The following TAFA2 variants were observed in gnomAD, a reference collection of about 807,000 sequenced individuals.
TAFA2 encodes the protein TAFA chemokine like family member 2.
Under a neutral mutation model 18.8 loss-of-function variants are expected in TAFA2, and 7 were observed. That is an observed-to-expected ratio of 0.37 (90% confidence interval 0.21 to 0.70). TAFA2 has a LOEUF of 0.70. TAFA2 is among the 30% of genes least tolerant of loss of function. TAFA2 has a pLI of 0.53. For synonymous variants in TAFA2, 60 were observed against 54.2 expected, an observed-to-expected ratio of 1.11 and a Z score of -0.47; for missense variants, 122 against 158.1, an observed-to-expected ratio of 0.77 and a Z score of 1.23.
At chr12:61,820,603 A>G (rs1872282110) in intron 2 of TAFA2, among the ~76,000 whole-genome samples, 1 of 152,042 alleles carries the variant, frequency 6.6e-6, no homozygotes, top group South Asian at 2.1e-4. Flanking sequence ...ATAAAAAAAG[A>G]TAATTCGATC....
intron 1 of TAFA2, among the ~76,000 whole-genome samples, chr12:61,957,733 G>A (rs1180766705): frequency 6.6e-6 from 1 of 152,096 alleles, no homozygotes; most frequent in Non-Finnish European, 1.5e-5. Context: ...CTCCTCTGCA[G>A]GTGAGTGCAG....
chr12:61,854,507 C>A (rs1044926667), intron 2 of TAFA2, among the ~76,000 whole-genome samples: 4 of 151,700 alleles, frequency 2.6e-5, no homozygotes, highest in African/African-American at 9.7e-5. Flanking sequence ...ATGCACAGCT[C>A]AGCAGTTCAT....
intron 1 of TAFA2, among the ~76,000 whole-genome samples, chr12:61,956,805 G>C (rs1878712044): frequency 6.6e-6 from 1 of 152,082 alleles, no homozygotes; most frequent in South Asian, 2.1e-4. Context: ...CATGAGATCT[G>C]CTCTTTCTTC....
chr12:61,802,550 A>C (rs2120976601), intron 2 of TAFA2, among the ~76,000 whole-genome samples: 1 of 152,126 alleles, frequency 6.6e-6, no homozygotes, highest in South Asian at 2.1e-4. Context: ...GGGAGCAAAA[A>C]GTGTTGAGGG....
chr12:62,009,320 C>T (rs980891), intron 1 of TAFA2, among the ~76,000 whole-genome samples: 27,801 of 152,056 alleles, frequency 0.18, 3,102 homozygotes, highest in Admixed American at 0.24. Context: ...CCAGTAACAG[C>T]AGAGAAAGCT....
At chr12:62,123,259 G>A (rs1233075842) in intron 1 of TAFA2, among the ~76,000 whole-genome samples, 1 of 152,136 alleles carries the variant, frequency 6.6e-6, no homozygotes, top group Non-Finnish European at 1.5e-5. Context: ...CAATAAGTCT[G>A]TTTGGATAGT....
chr12:61,922,518 C>T (rs1382917370), intron 1 of TAFA2, among the ~76,000 whole-genome samples: 1 of 152,170 alleles, frequency 6.6e-6, no homozygotes, highest in Non-Finnish European at 1.5e-5. Context: ...CCTCCCCTAG[C>T]CAAGGGAAAC....
intron 1 of TAFA2, among the ~76,000 whole-genome samples, chr12:61,913,227 T>C (rs988124052): frequency 6.6e-6 from 1 of 151,998 alleles, no homozygotes; most frequent in Non-Finnish European, 1.5e-5. Flanking sequence ...GAAAAAAGAA[T>C]ACAGAGGGAA....
intron 4 of TAFA2, among the ~76,000 whole-genome samples, chr12:61,748,085 C>T (rs530562675): frequency 1.0e-3 from 151 of 149,310 alleles, no homozygotes; most frequent in African/African-American, 3.6e-3. Flanking sequence ...GGTTGCAACA[C>T]ATAAACAGGT....
At chr12:61,899,291 G>T (rs1398544453) in intron 1 of TAFA2, among the ~76,000 whole-genome samples, 3 of 152,066 alleles carry the variant, frequency 2.0e-5, no homozygotes, top group African/African-American at 7.2e-5. Context: ...ACATTTTCAA[G>T]TATCTTTATA....
intron 1 of TAFA2, among the ~76,000 whole-genome samples, chr12:62,133,631 T>C (rs2136897734): frequency 6.6e-6 from 1 of 152,168 alleles, no homozygotes; most frequent in East Asian, 1.9e-4. Flanking sequence ...ATGAAAGTTC[T>C]CTTATCTTCC....
At chr12:62,100,285 C>T (rs752835990) in intron 1 of TAFA2, among the ~76,000 whole-genome samples, 1 of 152,062 alleles carries the variant, frequency 6.6e-6, no homozygotes, top group South Asian at 2.1e-4. Context: ...CTGAAAAAGT[C>T]AATTCCATGT....
intron 1 of TAFA2, among the ~76,000 whole-genome samples, chr12:61,888,840 T>C (rs1263694385): frequency 1.3e-5 from 2 of 152,248 alleles, no homozygotes; most frequent in African/African-American, 4.8e-5. Flanking sequence ...ACCTGAGTTC[T>C]GCTCTAGTAT....
chr12:62,004,175 A>G (rs1307603110), intron 1 of TAFA2, among the ~76,000 whole-genome samples: 1 of 152,168 alleles, frequency 6.6e-6, no homozygotes, highest in Non-Finnish European at 1.5e-5. Context: ...AAATACCAAC[A>G]CTTAAGAGCA....
chr12:61,752,785 TAGCC>T (rs1400469532), intron 4 of TAFA2, among the ~76,000 whole-genome samples: 2 of 152,048 alleles, frequency 1.3e-5, no homozygotes, highest in African/African-American at 4.8e-5. Flanking sequence ...TATTGTAAAT[TAGCC>T]AGTCTCTACT....
chr12:61,850,693 G>C (rs1873605332), intron 2 of TAFA2, among the ~76,000 whole-genome samples: 1 of 151,720 alleles, frequency 6.6e-6, no homozygotes, highest in Admixed American at 6.6e-5. Context: ...GAATCATCTA[G>C]TATAAACAAA....
intron 1 of TAFA2, among the ~76,000 whole-genome samples, chr12:62,074,776 A>G (rs1008940813): frequency 6.7e-6 from 1 of 148,490 alleles, no homozygotes; most frequent in Non-Finnish European, 1.5e-5. Flanking sequence ...ATCTCGGGAC[A>G]CTGCAACTTC....
intron 1 of TAFA2, among the ~76,000 whole-genome samples, chr12:61,927,082 A>G (rs1397827388): frequency 2.0e-5 from 3 of 151,214 alleles, no homozygotes; most frequent in Non-Finnish European, 3.0e-5. Context: ...AAAAAAAAAA[A>G]AAAAAAAAAA....
intron 1 of TAFA2, among the ~76,000 whole-genome samples, chr12:61,947,124 G>T (rs1341957578): frequency 1.5e-5 from 2 of 133,512 alleles, no homozygotes; most frequent in African/African-American, 5.9e-5. Context: ...ATACTATGCA[G>T]CCATAAAAAA....
Sources: gnomAD v4.1 joint callset for allele counts (sites outside exome capture counted in the v4.1 genomes callset) on GRCh38, gnomAD v4.1.1 for gene constraint, MANE v1.5 for transcripts, NCBI Gene and HGNC (gene_info 2026-07-23, HGNC 2026-07-21) for gene names.